The following PCDHGA2 variants were observed in gnomAD, a reference collection of about 807,000 sequenced individuals.
The protein encoded by PCDHGA2 is protocadherin gamma subfamily A, 2.
Under a neutral mutation model 59.2 loss-of-function variants are expected in PCDHGA2, and 40 were observed. The observed-to-expected ratio is 0.68, with a 90% CI of 0.52 to 0.88. The LOEUF is 0.88. Ranked by LOEUF, PCDHGA2 falls within the 40% of genes least tolerant of loss-of-function variation. The pLI, the probability that PCDHGA2 is intolerant of heterozygous loss-of-function variation, is 0.00. For missense variants in PCDHGA2, 1,226 were observed against 1,204.0 expected (o/e 1.02, Z -0.27); for synonymous variants, 560 against 526.0 (o/e 1.06, Z -0.89).
Position 141,339,703 on chromosome 5 carries a change from G to C in PCDHGA2, c.732G>C (p.Gln244His), listed in dbSNP as rs1756865657. ...ACGACAATGCGCCTGTTTTTACACA[G>C]CCCGAGTACCGCATAAGCATTCCGG... ...DANDNAPVFT[Q>H]PEYRISIPEN... Residue 244 changes from glutamine (Q) to histidine (H), a missense_variant, in exon 1 of 4, where the codon CAG becomes CAC. Physicochemically the swap from Gln to His is conservative, Grantham distance 24. Coordinates refer to ENST00000394576, the MANE Select transcript of PCDHGA2 (RefSeq NM_018915.4). The C allele has an allele frequency of 6.2e-7, 1 of 1,614,158 alleles. No homozygotes were observed. Among genetic ancestry groups the C allele is most frequent in the African/African-American group, 1.3e-5 (1 of 75,026 alleles).
chr5:141,374,543 C>T (rs755927894), intron 1 of PCDHGA2: 3 of 1,613,376 alleles, frequency 1.9e-6, no homozygotes, highest in South Asian at 1.1e-5. Context: ...TCGTTTTCCA[C>T]TAATGGAGGT....
chr5:141,346,786 A>G lies in PCDHGA2; in HGVS notation c.2424+5391A>G, dbSNP rs546937731. ...CTTCTACCTGGGTCCTTGAGTAACT[A>G]TGATGAGAGAAACACAACACTGGTT... On this transcript the variant is annotated intron_variant, in intron 1 of 3. Transcript: ENST00000394576. 2.0e-5 allele frequency among the ~76,000 whole-genome samples: 3 copies of G among 152,358 alleles called. No individual in the cohort carries two copies. In the East Asian group the frequency reaches 5.8e-4, roughly 29 times the overall value.
intron 1 of PCDHGA2, among the ~76,000 whole-genome samples, chr5:141,362,816 G>C (rs1253772820): frequency 1.3e-5 from 2 of 152,090 alleles, no homozygotes; most frequent in Non-Finnish European, 2.9e-5. Flanking sequence ...ACTTCTCTCT[G>C]CAGATTTGTT....
At chr5:141,426,879 G>C (rs1222564201) in intron 1 of PCDHGA2, 3 of 456,710 alleles carry the variant, frequency 6.6e-6, no homozygotes, top group Non-Finnish European at 1.3e-5. Context: ...GAAGCCCCTG[G>C]GCCAGGAGCA....
Position 141,489,252 on chromosome 5 carries a change from G to A in PCDHGA2, c.2425-5555G>A. 2 of 1,547,622 alleles carry A rather than the reference G, an allele frequency of 1.3e-6. No individual in the cohort carries two copies. Among genetic ancestry groups the A allele is most frequent in the Non-Finnish European group, 1.7e-6 (2 of 1,147,198 alleles). On this transcript the variant is annotated intron_variant, in intron 1 of 3. Coordinates refer to ENST00000394576, the MANE Select transcript of PCDHGA2 (RefSeq NM_018915.4). The surrounding 1 kb of genome is among the most constrained non-coding windows in gnomAD (Gnocchi z 4.5). ...GGGACTTCTGGGTCATGGGGCCCAAGACACTCCCACAGCTCGCTGGGAAAT... is the reference window on the plus strand; with the variant it reads ...GGGACTTCTGGGTCATGGGGCCCAAAACACTCCCACAGCTCGCTGGGAAAT...
intron 1 of PCDHGA2, chr5:141,362,629 G>A (rs1314036163): frequency 2.1e-5 from 32 of 1,492,692 alleles, no homozygotes; most frequent in Middle Eastern, 1.9e-4. Context: ...GTTCCACTGC[G>A]TATTTCTTTG....
chr5:141,383,310 A>C (rs1779012544), intron 1 of PCDHGA2: 1 of 1,614,004 alleles, frequency 6.2e-7, no homozygotes, highest in Non-Finnish European at 8.5e-7. Context: ...TGACGGAAGA[A>C]ATAAATGTAA....
rs1181585491 is a variant in PCDHGA2, at chr5:141,371,693, C to A, written c.2424+30298C>A. Reference sequence around the variant, plus strand: ...CCGACAAAGGCAATCCACCGCTCTCCTCCAGCAAGACCATCACTCTGCACA... The same window carrying A: ...CCGACAAAGGCAATCCACCGCTCTCATCCAGCAAGACCATCACTCTGCACA... On this transcript the variant is annotated intron_variant, in intron 1 of 3. Transcript: ENST00000394576. 6.8e-6 allele frequency: 11 copies of A among 1,613,948 alleles called. No individual in the cohort carries two copies. In the Admixed American group the frequency reaches 1.7e-4, roughly 24 times the overall value.
At chr5:141,354,845 A>G (rs1204240079) in intron 1 of PCDHGA2, among the ~76,000 whole-genome samples, 2 of 152,228 alleles carry the variant, frequency 1.3e-5, no homozygotes, top group Non-Finnish European at 2.9e-5. Context: ...TCATTCTTGA[A>G]TTTTCATTGC....
chr5:141,383,023 G>A (rs1778720923), intron 1 of PCDHGA2: 2 of 1,613,826 alleles, frequency 1.2e-6, no homozygotes, highest in South Asian at 1.1e-5. Context: ...GACGGACAAA[G>A]GGTCCTTTGT....
At chr5:141,394,400 G>A (rs747087099) in intron 1 of PCDHGA2, 2 of 1,614,246 alleles carry the variant, frequency 1.2e-6, no homozygotes, top group South Asian at 2.2e-5. Flanking sequence ...GAGACCTGCA[G>A]CTACTGGTAA....
intron 1 of PCDHGA2, among the ~76,000 whole-genome samples, chr5:141,407,024 A>G (rs909800590): frequency 6.6e-6 from 1 of 152,232 alleles, no homozygotes; most frequent in Non-Finnish European, 1.5e-5. Context: ...TCAAAATTCT[A>G]TGCTAAACAT....
Position 141,487,810 on chromosome 5 carries a change from C to T in PCDHGA2, c.2425-6997C>T. 7.1e-7 allele frequency: 1 copy of T among 1,417,854 alleles called. No homozygotes were observed. 87.8% of individuals were successfully genotyped at this position (1,417,854 alleles called of 1,614,324 possible). ...ATTAACCAGAGTTGTCACAGTTTAG[C>T]ATTGGGGGCGGGTCATGCCTATATC... is the stretch of plus-strand genomic sequence containing the variant. On this transcript the variant is annotated intron_variant, in intron 1 of 3. Coordinates refer to ENST00000394576, the MANE Select transcript of PCDHGA2 (RefSeq NM_018915.4). This position sits in a 1 kb window ranked among gnomAD's most constrained non-coding sequence, Gnocchi z 5.0.
Position 141,366,304 on chromosome 5 carries a change from C to T in PCDHGA2, c.2424+24909C>T, listed in dbSNP as rs373044204. On this transcript the variant is annotated intron_variant, in intron 1 of 3. Coordinates refer to ENST00000394576, the MANE Select transcript of PCDHGA2 (RefSeq NM_018915.4). The stretch of plus-strand genomic sequence containing the variant: ...GCCAGCCCCCTCTGTCAGCCACCTT[C>T]ACGGTCACCGTTGCCGTGGCCGACA... 4.3e-5 allele frequency: 70 copies of T among 1,613,786 alleles called. No individual in the cohort carries two copies. The African/African-American group carries it at 9.1e-4, about 21-fold the overall frequency.
rs763321545 is a variant in PCDHGA2 at position 141,389,799 on chromosome 5, C to A, written c.2424+48404C>A. 1.2e-5 allele frequency: 19 copies of A among 1,613,678 alleles called. No individual in the cohort carries two copies. The South Asian group carries it at 1.9e-4, about 16-fold the overall frequency. On this transcript the variant is annotated intron_variant, in intron 1 of 3. Transcript: ENST00000394576. ...AGGCGACAGGGACGCCGTCCGCCAG[C>A]GCCTTCTGGTCGCCGTGCGTGACGG...
chr5:141,447,979 G>A (rs888759756), intron 1 of PCDHGA2, among the ~76,000 whole-genome samples: 15 of 151,814 alleles, frequency 9.9e-5, no homozygotes, highest in Admixed American at 5.9e-4. Context: ...CCAGCTACTC[G>A]GGAGGCTGAG....
intron 1 of PCDHGA2, chr5:141,392,800 G>T (rs1394780689): frequency 6.4e-7 from 1 of 1,570,722 alleles, no homozygotes; most frequent in African/African-American, 1.4e-5. Context: ...AGAGGATTCT[G>T]CAGCAAAACA....
At chr5:141,383,101 T>G (rs1561594429) in intron 1 of PCDHGA2, 2 of 1,613,954 alleles carry the variant, frequency 1.2e-6, no homozygotes, top group Non-Finnish European at 1.7e-6. Flanking sequence ...CCGCATCATC[T>G]CCAGAGGTAG....
At chr5:141,418,717 C>G in intron 1 of PCDHGA2, 2 of 1,613,938 alleles carry the variant, frequency 1.2e-6, no homozygotes, top group Non-Finnish European at 1.7e-6. Context: ...GTGTGGCTGA[C>G]AAAGCTCAGC....
Sources: allele counts gnomAD v4.1 joint callset (sites outside exome capture counted in the v4.1 genomes callset), GRCh38; gene constraint gnomAD v4.1.1; non-coding constraint Gnocchi (gnomAD v3.1); transcripts MANE v1.5; gene names NCBI Gene and HGNC (gene_info 2026-07-23, HGNC 2026-07-21).